CDKN2C: variants seen among roughly 807,000 people sequenced by gnomAD.
The protein encoded by CDKN2C is cyclin dependent kinase inhibitor 2C.
A neutral mutation model predicts 11.0 loss-of-function variants in CDKN2C; 5 were observed. That is an observed-to-expected ratio of 0.45 (90% CI 0.24 to 0.95). The LOEUF (loss-of-function observed/expected upper bound fraction) is 0.95, where lower values mean the gene tolerates loss of function less well. Among genes scored for constraint, CDKN2C ranks in the 40% least tolerant of loss-of-function variants. CDKN2C has a pLI of 0.21. For synonymous variants in CDKN2C, 79 were observed against 88.3 expected (o/e 0.89, Z 0.59); for missense variants, 161 against 211.9 (o/e 0.76, Z 1.49).
intron 1 of CDKN2C, among the ~76,000 whole-genome samples, chr1:50,961,847 T>G (rs997072957): frequency 9.9e-5 from 15 of 152,208 alleles, no homozygotes; most frequent in African/African-American, 3.6e-4. Flanking sequence ...AGGCCTAGGC[T>G]CCATAAACTG....
chr1:50,968,858 G>C (rs1003757141), upstream of CDKN2C: 4 of 152,376 alleles, frequency 2.6e-5, no homozygotes, highest in Non-Finnish European at 5.9e-5. Context: ...AATTGTTTCA[G>C]CGAAAAAAGC....
chr1:50,968,719 T>G (rs1418168846), upstream of CDKN2C: 2 of 152,296 alleles, frequency 1.3e-5, no homozygotes, highest in Non-Finnish European at 2.9e-5. Context: ...CTTAAAACTC[T>G]GCCGTTAAAA....
chr1:50,966,738 TAA>T (rs34594257), upstream of CDKN2C, among the ~76,000 whole-genome samples: 227 of 141,594 alleles, frequency 1.6e-3, 2 homozygotes, highest in Middle Eastern at 3.6e-3. Context: ...ACCAGAATGT[TAA>T]AAAAAAAAAA....
chr1:50,972,835 C>T (rs1262885595), intron 1 of CDKN2C, among the ~76,000 whole-genome samples: 2 of 152,080 alleles, frequency 1.3e-5, no homozygotes, highest in Non-Finnish European at 2.9e-5. Context: ...AATAGCTGTT[C>T]CTTAAATGCT....
upstream of CDKN2C, chr1:50,967,918 CT>C (rs1645355137): frequency 1.3e-5 from 2 of 152,200 alleles, no homozygotes; most frequent in Non-Finnish European, 2.9e-5. Context: ...TGCTTTTCTC[CT>C]TTTTCTCTAA....
chr1:50,963,684 T>C (rs904291334), intron 1 of CDKN2C, among the ~76,000 whole-genome samples: 2 of 152,026 alleles, frequency 1.3e-5, no homozygotes, highest in African/African-American at 4.8e-5. Flanking sequence ...GGTTATCTAC[T>C]ACAGATAAGA....
intron 1 of CDKN2C, among the ~76,000 whole-genome samples, chr1:50,961,945 T>C (rs963611472): frequency 6.6e-6 from 1 of 152,292 alleles, no homozygotes; most frequent in African/African-American, 2.4e-5. Flanking sequence ...GATCTGAGTT[T>C]ATTCTGTGTG....
chr1:50,965,429 G>A (rs1330836533), upstream of CDKN2C, among the ~76,000 whole-genome samples: 1 of 151,100 alleles, frequency 6.6e-6, no homozygotes, highest in African/African-American at 2.4e-5. Context: ...ATTTGGAGGT[G>A]GAGGTTGCAG....
chr1:50,965,555 AAAAATT>A (rs1645344077), upstream of CDKN2C, among the ~76,000 whole-genome samples: 1 of 151,872 alleles, frequency 6.6e-6, no homozygotes, highest in Admixed American at 6.6e-5. Context: ...ACAAAATTAG[AAAAATT>A]ATCCAGGCAT....
chr1:50,973,825 C>T, intron 1 of CDKN2C, 68 bp from the exon 2 acceptor site: 1 of 1,524,242 alleles, frequency 6.6e-7, no homozygotes, highest in East Asian at 2.2e-5. Context: ...GAAGGACAGG[C>T]AGATATTTTA....
chr1:50,969,597 C>T (rs1645368528), upstream of CDKN2C: 1 of 152,600 alleles, frequency 6.6e-6, no homozygotes, highest in South Asian at 2.1e-4. This position sits in a 1 kb window ranked among gnomAD's most constrained non-coding sequence, Gnocchi z 6.6. Flanking sequence ...CCGGAGCTTT[C>T]CTGAGCGGCA....
intron 1 of CDKN2C, among the ~76,000 whole-genome samples, chr1:50,972,428 T>G (rs1645385782): frequency 6.6e-6 from 1 of 152,106 alleles, no homozygotes; most frequent in Non-Finnish European, 1.5e-5. Flanking sequence ...TTAAATATAT[T>G]TTGTTATTTA....
Position 50,970,304 on chromosome 1 carries a change from G to A in CDKN2C, c.-65G>A. 3 of 1,601,042 alleles carry A rather than the reference G, an allele frequency of 1.9e-6. No individual in the cohort carries two copies. Among genetic ancestry groups the A allele is most frequent in the Non-Finnish European group, 2.6e-6 (3 of 1,174,102 alleles). On this transcript the variant is annotated 5_prime_UTR_variant, in exon 1 of 2. Transcript: ENST00000371761. ...ATGCCATCATGCAGCCTGGTTAGGAGCAAAGGAAAGGGGAAAAAGAAAAAC... is the reference window on the plus strand; with the variant it reads ...ATGCCATCATGCAGCCTGGTTAGGAACAAAGGAAAGGGGAAAAAGAAAAAC...
intron 1 of CDKN2C, 35 bp downstream of exon 1, chr1:50,970,532 T>G: frequency 6.2e-7 from 1 of 1,612,022 alleles, no homozygotes; most frequent in Non-Finnish European, 8.5e-7. Flanking sequence ...AACAAGTCAA[T>G]AATGTTGCCT....
At chr1:50,973,735 T>C (rs540306395) in intron 1 of CDKN2C, among the ~76,000 whole-genome samples, 158 bp from the exon 2 acceptor site, 91 of 152,306 alleles carry the variant, frequency 6.0e-4, no homozygotes, top group African/African-American at 2.1e-3. Context: ...TACTAGCACT[T>C]TTCTGCATTT....
chr1:50,969,069 A>G, upstream of CDKN2C: 1 of 152,398 alleles, frequency 6.6e-6, no homozygotes, highest in Non-Finnish European at 1.5e-5. The surrounding 1 kb of genome is among the most constrained non-coding windows in gnomAD (Gnocchi z 6.6). Context: ...CCCTGTCCGC[A>G]GCAAAGGGGC....
chr1:50,974,198 G>C lies in CDKN2C; in HGVS notation c.435G>C (p.Arg145Ser). 1 of 1,610,536 alleles carries C rather than the reference G, an allele frequency of 6.2e-7. No homozygotes were observed. Among genetic ancestry groups the C allele is most frequent in the Non-Finnish European group, 8.5e-7 (1 of 1,177,404 alleles). ...HKGDTACDLA[R>S]LYGRNEVVSL... ...GGGACACCGCCTGTGATTTGGCCAG[G>C]CTCTATGGGAGGAATGAGGTTGTTA... Residue 145 changes from arginine (R) to serine (S), a missense_variant, in exon 2 of 2, where the codon AGG (arginine) becomes AGC (serine). Arg to Ser is a moderately radical substitution (Grantham distance 110). Transcript: ENST00000371761.
intron 1 of CDKN2C, among the ~76,000 whole-genome samples, chr1:50,964,497 T>TA (rs1645337786): frequency 1.3e-5 from 2 of 152,220 alleles, no homozygotes; most frequent in Non-Finnish European, 2.9e-5. Context: ...TCTTAAATAA[T>TA]ACTTCTTGCT....
At chr1:50,972,358 A>G (rs1464044356) in intron 1 of CDKN2C, among the ~76,000 whole-genome samples, 2 of 152,086 alleles carry the variant, frequency 1.3e-5, no homozygotes, top group African/African-American at 4.8e-5. Context: ...AGTTTTATCA[A>G]CAGGGGAGCT....
Sources: gnomAD v4.1 joint callset for allele counts (sites outside exome capture counted in the v4.1 genomes callset) on GRCh38, gnomAD v4.1.1 for gene constraint, Gnocchi (gnomAD v3.1) non-coding constraint, MANE v1.5 for transcripts, NCBI Gene and HGNC (gene_info 2026-07-23, HGNC 2026-07-21) for gene names.